Variants in KLHL2 observed in about 807,000 individuals in gnomAD.
KLHL2 encodes the protein kelch-like protein 2.
KLHL2 carries 15 observed loss-of-function variants against 75.8 expected under a neutral mutation model. The ratio of observed to expected loss-of-function variants is 0.20; its 90% CI spans 0.13 to 0.30. The LOEUF (loss-of-function observed/expected upper bound fraction) is 0.30. Among genes scored for constraint, KLHL2 ranks in the 10% least tolerant of loss-of-function variants. The probability of loss-of-function intolerance (pLI) is 1.00; values close to 1 mark genes in which losing one functional copy is unlikely to be tolerated. For missense variants in KLHL2, 381 were observed against 741.0 expected (o/e 0.51, Z 5.64); for synonymous variants, 214 against 251.9 (o/e 0.85, Z 1.42).
At chr4:165,318,977 T>G (rs1380953822) in intron 14 of KLHL2, among the ~76,000 whole-genome samples, 15 of 152,218 alleles carry the variant, frequency 9.9e-5, no homozygotes, top group Admixed American at 7.2e-4. Flanking sequence ...TCAAAACATA[T>G]GCACACAAAC....
At chr4:165,269,797 T>C (rs1742540335) in intron 5 of KLHL2, among the ~76,000 whole-genome samples, 1 of 151,814 alleles carries the variant, frequency 6.6e-6, no homozygotes, top group Admixed American at 6.6e-5. Flanking sequence ...TGTCTTGGGG[T>C]TGCTCTTCTT....
chr4:165,296,268 G>A (rs936368256), intron 6 of KLHL2, among the ~76,000 whole-genome samples: 8 of 152,116 alleles, frequency 5.3e-5, no homozygotes, highest in Non-Finnish European at 8.8e-5. Context: ...CGGGGCTCCC[G>A]GTTGATTGGT....
At chr4:165,237,379 A>G (rs1228494834) in intron 3 of KLHL2, among the ~76,000 whole-genome samples, 6 of 148,900 alleles carry the variant, frequency 4.0e-5, no homozygotes, top group Non-Finnish European at 8.9e-5. Flanking sequence ...CATCTTTCTC[A>G]TTAACTCTCC....
intron 4 of KLHL2, among the ~76,000 whole-genome samples, chr4:165,251,201 G>A (rs1217408195): frequency 2.0e-5 from 3 of 151,220 alleles, no homozygotes; most frequent in African/African-American, 4.9e-5. Flanking sequence ...ATAACCATGG[G>A]TACTTATATC....
chr4:165,208,919 T>G lies in KLHL2; in HGVS notation c.26+1017T>G, dbSNP rs568063165. On this transcript the variant is annotated intron_variant, in intron 1 of 14. Transcript: ENST00000226725. ...CCGATTGTACCGCACCAGTCTCTTG[T>G]GGTTATTTGGCAGAATTCCAGCCAA... is the stretch of plus-strand genomic sequence containing the variant. Among the ~76,000 whole-genome samples the G allele has an allele frequency of 2.0e-5, 3 of 152,326 alleles. No homozygotes were observed. In the East Asian group the frequency reaches 5.8e-4, roughly 29 times the overall value.
chr4:165,238,937 C>A, intron 4 of KLHL2, 38 bp downstream of exon 4: 2 of 1,568,394 alleles, frequency 1.3e-6, no homozygotes, highest in Admixed American at 2.1e-5. Flanking sequence ...GCTTTTTATG[C>A]ATACAGTTTT....
At chr4:165,271,293 A>G (rs1383723629) in intron 5 of KLHL2, among the ~76,000 whole-genome samples, 1 of 151,984 alleles carries the variant, frequency 6.6e-6, no homozygotes, top group African/African-American at 2.4e-5. Context: ...CATGGGATGT[A>G]TTTCCATTTG....
At chr4:165,296,392 C>T (rs995549985) in intron 6 of KLHL2, among the ~76,000 whole-genome samples, 2 of 152,216 alleles carry the variant, frequency 1.3e-5, no homozygotes, top group African/African-American at 4.8e-5. Context: ...TGGCTTCCTT[C>T]AAATGAGCAT....
intron 3 of KLHL2, among the ~76,000 whole-genome samples, chr4:165,237,076 A>G (rs956761875): frequency 6.7e-6 from 1 of 148,790 alleles, no homozygotes; most frequent in Admixed American, 6.7e-5. Flanking sequence ...GGGGCTCTGT[A>G]GGTGAATCAG....
At chr4:165,238,328 G>A (rs896331105) in intron 3 of KLHL2, among the ~76,000 whole-genome samples, 13 of 152,156 alleles carry the variant, frequency 8.5e-5, no homozygotes, top group African/African-American at 4.8e-5. Flanking sequence ...TGCATGCCCC[G>A]GCAGGCATTT....
chr4:165,271,016 T>C (rs57645545), intron 5 of KLHL2, among the ~76,000 whole-genome samples: 11,392 of 152,264 alleles, frequency 0.075, 891 homozygotes, highest in African/African-American at 0.2. Context: ...TATCTACTTA[T>C]ATGCCAGTGC....
Position 165,234,371 on chromosome 4 carries a change from T to C in KLHL2, c.260-4407T>C, listed in dbSNP as rs1411505415. On this transcript the variant is annotated intron_variant, in intron 3 of 14. Coordinates refer to ENST00000226725, the MANE Select transcript of KLHL2 (RefSeq NM_007246.4). ...AGCTATAAATTTGTTATTTATTTCT[T>C]AGAGTTTCAGCATAGTCAGAGTTTC... Among the ~76,000 whole-genome samples the C allele has an allele frequency of 2.6e-5, 4 of 152,252 alleles. 1 individual carries two copies. Among genetic ancestry groups the C allele is most frequent in the South Asian group, 4.1e-4 (2 of 4,832 alleles).
intron 2 of KLHL2, among the ~76,000 whole-genome samples, chr4:165,223,028 A>G (rs1441749160): frequency 6.6e-6 from 1 of 152,272 alleles, no homozygotes; most frequent in Non-Finnish European, 1.5e-5. Context: ...TTACAGAATT[A>G]AAATTGTTTG....
intron 14 of KLHL2, 135 bp downstream of exon 14, chr4:165,318,104 T>A: frequency 1.6e-5 from 12 of 752,114 alleles, no homozygotes; most frequent in Non-Finnish European, 2.6e-5. Flanking sequence ...TTAAGATGAT[T>A]AACATTGGCT....
chr4:165,233,206 A>T (rs200905197), intron 3 of KLHL2, among the ~76,000 whole-genome samples: 4 of 149,536 alleles, frequency 2.7e-5, no homozygotes, highest in Admixed American at 6.7e-5. Flanking sequence ...AATTCTGTGA[A>T]GTAGTCACAG....
Position 165,295,770 on chromosome 4 carries a change from G to A in KLHL2, c.654+1302G>A, listed in dbSNP as rs150728888. Among the ~76,000 whole-genome samples the A allele has an allele frequency of 3.3e-5, 5 of 152,274 alleles. No individual in the cohort carries two copies. The East Asian group carries it at 9.7e-4, about 29-fold the overall frequency. On this transcript the variant is annotated intron_variant, in intron 6 of 14. Transcript: ENST00000226725. Reference sequence around the variant, plus strand: ...TACAAATGTAAAGAGATATGAAAGAGTAATTGTATTCAATGTGTTCAGTAT... The same window carrying A: ...TACAAATGTAAAGAGATATGAAAGAATAATTGTATTCAATGTGTTCAGTAT...
At chr4:165,284,646 C>T (rs372986153) in intron 5 of KLHL2, among the ~76,000 whole-genome samples, 32 of 152,276 alleles carry the variant, frequency 2.1e-4, no homozygotes, top group African/African-American at 6.3e-4. Flanking sequence ...CAAACTGTTC[C>T]AACCTCTGCC....
At chr4:165,223,948 T>C (rs1444884566) in intron 2 of KLHL2, 2 of 451,498 alleles carry the variant, frequency 4.4e-6, no homozygotes, top group Admixed American at 4.7e-5. Flanking sequence ...ACAATCTCAC[T>C]CTGCCACCCA....
chr4:165,258,870 C>A (rs182115033), intron 4 of KLHL2, among the ~76,000 whole-genome samples: 2 of 152,260 alleles, frequency 1.3e-5, no homozygotes, highest in East Asian at 3.9e-4. Context: ...TAAATCTGAT[C>A]TCCTAAATCA....
Sources: allele counts gnomAD v4.1 joint callset (sites outside exome capture counted in the v4.1 genomes callset), GRCh38; gene constraint gnomAD v4.1.1; transcripts MANE v1.5; gene names NCBI Gene and HGNC (gene_info 2026-07-23, HGNC 2026-07-21).